Variants in CDK5RAP2 observed in about 807,000 individuals in gnomAD.
CDK5RAP2 encodes CDK5 regulatory subunit associated protein 2.
Under a neutral mutation model 232.9 loss-of-function variants are expected in CDK5RAP2, and 147 were observed. The observed-to-expected ratio is 0.63, with a 90% confidence interval of 0.55 to 0.72. CDK5RAP2 has a LOEUF of 0.72. Ranked by LOEUF, CDK5RAP2 falls within the 30% of genes least tolerant of loss-of-function variation. The pLI is 0.00. For missense variants in CDK5RAP2, 2,195 were observed against 2,231.5 expected (o/e 0.98, Z 0.33); for synonymous variants, 833 against 833.7 (o/e 1.00, Z 0.01).
At chr9:120,424,098 T>C (rs1020953850) in intron 25 of CDK5RAP2, among the ~76,000 whole-genome samples, 3 of 152,196 alleles carry the variant, frequency 2.0e-5, no homozygotes, top group Non-Finnish European at 4.4e-5. Context: ...GGCCTCACAA[T>C]GATCCTATGA....
intron 16 of CDK5RAP2, 69 bp downstream of exon 16, chr9:120,471,679 C>A: frequency 6.2e-7 from 1 of 1,607,882 alleles, no homozygotes; most frequent in Non-Finnish European, 8.5e-7. Flanking sequence ...ATTTAGGACT[C>A]TCCTGAAGTT....
intron 1 of CDK5RAP2, among the ~76,000 whole-genome samples, chr9:120,575,921 C>G (rs755339593): frequency 7.2e-5 from 11 of 152,262 alleles, no homozygotes; most frequent in Non-Finnish European, 1.6e-4. Context: ...AATAGATATG[C>G]CTCAAAGTTT....
At chr9:120,579,115 C>G (rs1188907544) in intron 1 of CDK5RAP2, among the ~76,000 whole-genome samples, 2 of 152,166 alleles carry the variant, frequency 1.3e-5, no homozygotes, top group Non-Finnish European at 2.9e-5. Context: ...GCTCCACCAG[C>G]AATGGGGACT....
At position 120,453,551 on chromosome 9, in the gene CDK5RAP2, T is replaced by C; in HGVS notation, c.2698A>G (p.Asn900Asp). The C allele has an allele frequency of 6.2e-7, 1 of 1,614,028 alleles. No homozygotes were observed. Among genetic ancestry groups the C allele is most frequent in the Non-Finnish European group, 8.5e-7 (1 of 1,179,984 alleles). Residue 900 changes from asparagine to aspartate, a missense_variant, in exon 21 of 38, where the codon AAC becomes GAC. Coordinates refer to ENST00000349780, the MANE Select transcript of CDK5RAP2 (RefSeq NM_018249.6). Reference sequence around the variant, plus strand: ...CGATGCTCTGCGCTGAGTGCAGTGTTGATCGGTTTCTCTTCCCAAGCCTCT... The same window carrying C: ...CGATGCTCTGCGCTGAGTGCAGTGTCGATCGGTTTCTCTTCCCAAGCCTCT... ...TREAWEEKPI[N>D]TALSAEHRPE...
chr9:120,534,395 A>G (rs1228143289), intron 7 of CDK5RAP2, among the ~76,000 whole-genome samples: 1 of 152,068 alleles, frequency 6.6e-6, no homozygotes, highest in Non-Finnish European at 1.5e-5. Context: ...TCTAAACTGA[A>G]TTAGATATAT....
chr9:120,495,071 G>A (rs2039114629), intron 12 of CDK5RAP2, among the ~76,000 whole-genome samples: 1 of 78,714 alleles, frequency 1.3e-5, no homozygotes, highest in Admixed American at 1.1e-4. Context: ...AGCGGCTGGA[G>A]GAGCGGACGG....
At chr9:120,404,678 G>C (rs1276438143) in intron 32 of CDK5RAP2, among the ~76,000 whole-genome samples, 2 of 152,168 alleles carry the variant, frequency 1.3e-5, no homozygotes, top group Non-Finnish European at 1.5e-5. Flanking sequence ...GCCCACTCAA[G>C]GGCTTTGGGC....
chr9:120,456,406 T>C lies in CDK5RAP2; in HGVS notation c.2375+2044A>G, dbSNP rs941353107. ...CTCCGATCTTTGCTGCCACTGGCAA[T>C]GACAGGCACCCCTGTGTTGTCTTTC... On this transcript the variant is annotated intron_variant, in intron 20 of 37. Coordinates refer to ENST00000349780, the MANE Select transcript of CDK5RAP2 (RefSeq NM_018249.6). Among the ~76,000 whole-genome samples, 7 of 152,208 alleles carry C rather than the reference T, an allele frequency of 4.6e-5. 1 individual carries two copies. Among genetic ancestry groups the C allele is most frequent in the African/African-American group, 1.7e-4 (7 of 41,440 alleles).
At chr9:120,554,110 T>G (rs2042140581) in intron 3 of CDK5RAP2, among the ~76,000 whole-genome samples, 1 of 152,186 alleles carries the variant, frequency 6.6e-6, no homozygotes, top group Non-Finnish European at 1.5e-5. Flanking sequence ...CAAGATACAT[T>G]GTTAAATAAA....
At chr9:120,488,480 CCT>C (rs997066865) in intron 13 of CDK5RAP2, among the ~76,000 whole-genome samples, 1 of 152,196 alleles carries the variant, frequency 6.6e-6, no homozygotes, top group African/African-American at 2.4e-5. Flanking sequence ...CTCTCCCTCT[CCT>C]CTCTTCTCAC....
At chr9:120,392,392 C>T (rs932569436) in intron 36 of CDK5RAP2, among the ~76,000 whole-genome samples, 3 of 152,174 alleles carry the variant, frequency 2.0e-5, no homozygotes, top group Non-Finnish European at 4.4e-5. Context: ...ATCAATAATT[C>T]CATGTTCTCT....
chr9:120,420,099 C>T, intron 26 of CDK5RAP2, 139 bp from the exon 27 acceptor site: 1 of 722,644 alleles, frequency 1.4e-6, no homozygotes, highest in South Asian at 1.5e-5. Context: ...TTTTATTTCC[C>T]TACAGCATTA....
intron 23 of CDK5RAP2, among the ~76,000 whole-genome samples, chr9:120,443,297 C>T (rs1268623705): frequency 1.3e-5 from 2 of 152,146 alleles, no homozygotes; most frequent in African/African-American, 4.8e-5. Context: ...TTGTCTCCTC[C>T]GAGCTGTGGG....
At chr9:120,560,328 C>G (rs933733517) in intron 3 of CDK5RAP2, among the ~76,000 whole-genome samples, 1 of 152,178 alleles carries the variant, frequency 6.6e-6, no homozygotes, top group African/African-American at 2.4e-5. Flanking sequence ...AAGCAGGAAA[C>G]ACAGGATAGC....
intron 25 of CDK5RAP2, among the ~76,000 whole-genome samples, chr9:120,427,896 A>G (rs2035021045): frequency 6.6e-6 from 1 of 152,230 alleles, no homozygotes; most frequent in Admixed American, 6.5e-5. Context: ...CAGAAATTAT[A>G]ACAAACTGTC....
At chr9:120,473,722 C>CA (rs775220210) in intron 15 of CDK5RAP2, among the ~76,000 whole-genome samples, 39 of 152,172 alleles carry the variant, frequency 2.6e-4, no homozygotes, top group Non-Finnish European at 4.0e-4. Context: ...TGTCACAGCA[C>CA]AGCACTCGCT....
intron 3 of CDK5RAP2, among the ~76,000 whole-genome samples, chr9:120,561,942 T>C (rs1425431754): frequency 6.6e-6 from 1 of 152,194 alleles, no homozygotes; most frequent in Non-Finnish European, 1.5e-5. Flanking sequence ...AGACCAGGCT[T>C]GAATTTTGCC....
intron 12 of CDK5RAP2, among the ~76,000 whole-genome samples, chr9:120,499,702 T>C (rs1012939152): frequency 6.6e-6 from 1 of 152,190 alleles, no homozygotes; most frequent in Admixed American, 6.5e-5. Context: ...GGGTTTTTTA[T>C]ATTATTATAC....
chr9:120,574,701 C>A (rs182226055), intron 1 of CDK5RAP2, among the ~76,000 whole-genome samples: 1 of 152,284 alleles, frequency 6.6e-6, no homozygotes, highest in Admixed American at 6.5e-5. Context: ...GACAGGCAGC[C>A]TTCCCTTTCA....
Sources: allele counts gnomAD v4.1 joint callset (sites outside exome capture counted in the v4.1 genomes callset), GRCh38; gene constraint gnomAD v4.1.1; transcripts MANE v1.5; gene names NCBI Gene and HGNC (gene_info 2026-07-23, HGNC 2026-07-21).